Variants in DLC1 observed in about 807,000 individuals in gnomAD.
DLC1 encodes the protein DLC1 Rho GTPase activating protein, also known as rho GTPase-activating protein 7.
In DLC1, 54 loss-of-function variants were observed where a neutral mutation model predicts 140.3. That is an observed-to-expected ratio of 0.38 (90% CI 0.31 to 0.48). The LOEUF is 0.48. Among genes scored for constraint, DLC1 ranks in the 20% least tolerant of loss-of-function variants. DLC1 has a pLI of 0.96. For missense variants in DLC1, 2,536 were observed against 1,907.0 expected (o/e 1.33, Z -6.14); for synonymous variants, 986 against 728.1 (o/e 1.35, Z -5.70).
chr8:13,258,586 T>C (rs1830350152), intron 5 of DLC1, among the ~76,000 whole-genome samples: 1 of 152,204 alleles, frequency 6.6e-6, no homozygotes, highest in African/African-American at 2.4e-5. Flanking sequence ...TTTTAACCAG[T>C]TACCTATTAT....
At chr8:13,453,387 G>GATATATATATATATGTGTATATATATAT (rs1554522997) in intron 2 of DLC1, among the ~76,000 whole-genome samples, 1,153 of 52,058 alleles carry the variant, frequency 0.022, 30 homozygotes, top group Non-Finnish European at 0.028. Flanking sequence ...GATGGCCCAG[G>GATATATATATATATGTGTATATATATAT]ATATATATAT....
intron 4 of DLC1, among the ~76,000 whole-genome samples, chr8:13,321,556 A>G (rs1833121034): frequency 6.6e-6 from 1 of 150,750 alleles, no homozygotes; most frequent in Non-Finnish European, 1.5e-5. Flanking sequence ...AAAAAAAAAA[A>G]AAAAAAAAAA....
intron 2 of DLC1, among the ~76,000 whole-genome samples, chr8:13,483,371 A>C (rs1170439348): frequency 6.6e-6 from 1 of 152,160 alleles, no homozygotes; most frequent in Non-Finnish European, 1.5e-5. Context: ...GCCACAATTC[A>C]ATCACTACAG....
chr8:13,330,061 C>T (rs1002633576), intron 4 of DLC1, among the ~76,000 whole-genome samples: 1 of 152,098 alleles, frequency 6.6e-6, no homozygotes, highest in Non-Finnish European at 1.5e-5. Context: ...AACTCCTAGG[C>T]TTAAGTGACC....
At chr8:13,350,500 G>A (rs1429303951) in intron 4 of DLC1, among the ~76,000 whole-genome samples, 1 of 152,120 alleles carries the variant, frequency 6.6e-6, no homozygotes, top group African/African-American at 2.4e-5. Flanking sequence ...TGGATCGCTT[G>A]AGGTCAGGAG....
At chr8:13,432,863 C>G (rs1028101437) in intron 2 of DLC1, among the ~76,000 whole-genome samples, 1 of 151,026 alleles carries the variant, frequency 6.6e-6, no homozygotes, top group African/African-American at 2.4e-5. Flanking sequence ...AAGGGAAACA[C>G]TTTCAAGAGT....
intron 5 of DLC1, among the ~76,000 whole-genome samples, chr8:13,209,657 C>T (rs1827842379): frequency 1.3e-5 from 2 of 152,022 alleles, no homozygotes; most frequent in South Asian, 4.2e-4. Flanking sequence ...TAGCACCATC[C>T]TCTTGGTACT....
intron 5 of DLC1, among the ~76,000 whole-genome samples, chr8:13,162,780 T>C (rs6531029): frequency 0.27 from 40,693 of 151,828 alleles, 7,829 homozygotes; most frequent in African/African-American, 0.55. Flanking sequence ...TCTTTACGCC[T>C]CCCCAGCCCC....
chr8:13,304,906 A>G, intron 5 of DLC1: 1 of 996,852 alleles, frequency 1.0e-6, no homozygotes, highest in Non-Finnish European at 1.2e-6. Context: ...TTCTGTGGCT[A>G]CTAAGTCATT....
intron 1 of DLC1, among the ~76,000 whole-genome samples, chr8:13,588,443 C>G (rs1251149437): frequency 2.0e-5 from 3 of 152,026 alleles, no homozygotes; most frequent in Non-Finnish European, 4.4e-5. Context: ...AGAGCAGAGA[C>G]CCGATAAAAA....
chr8:13,444,409 T>G (rs1254038746), intron 2 of DLC1, among the ~76,000 whole-genome samples: 6 of 152,114 alleles, frequency 3.9e-5, no homozygotes, highest in Admixed American at 3.9e-4. Context: ...GTAACAAACC[T>G]GCACATTATG....
At chr8:13,131,931 G>A (rs1368519994) in intron 5 of DLC1, among the ~76,000 whole-genome samples, 1 of 152,162 alleles carries the variant, frequency 6.6e-6, no homozygotes, top group Non-Finnish European at 1.5e-5. Context: ...ACGCAGCAGG[G>A]TGCTGCAGAG....
At chr8:13,118,223 A>G (rs1362773907) in intron 5 of DLC1, among the ~76,000 whole-genome samples, 1 of 152,018 alleles carries the variant, frequency 6.6e-6, no homozygotes, top group Non-Finnish European at 1.5e-5. Flanking sequence ...ATGACTCCAA[A>G]TGATCATAAA....
chr8:13,267,272 G>A (rs532993870), intron 5 of DLC1, among the ~76,000 whole-genome samples: 46 of 151,788 alleles, frequency 3.0e-4, no homozygotes, highest in African/African-American at 1.1e-3. Context: ...TTTAAATATA[G>A]CATATTCTAA....
rs751273748 is a variant in DLC1 at position 13,500,059 on chromosome 8, T to C, written c.13A>G (p.Ile5Val). ...TGTTCTTCCCAGCTTCTCTTTCTGA[T>C]AGCTACAGACATGTCATCGTAGTTT... is the stretch of plus-strand genomic sequence containing the variant. MSVAIRKRSWEEHVT... is the reference protein window; with the variant it reads MSVAVRKRSWEEHVT... Residue 5 changes from isoleucine (I) to valine (V), a missense_variant, in exon 2 of 18, where the codon ATC becomes GTC. By Grantham distance (29) the Ile-to-Val change is conservative. Coordinates refer to ENST00000276297, the MANE Select transcript of DLC1 (RefSeq NM_182643.3). 2 of 1,613,630 alleles carry C rather than the reference T, an allele frequency of 1.2e-6. No homozygotes were observed. The highest frequency in any genetic ancestry group is 1.7e-6 in the Non-Finnish European group (2 of 1,179,672).
intron 5 of DLC1, among the ~76,000 whole-genome samples, chr8:13,288,298 G>T (rs1398193959): frequency 6.6e-6 from 1 of 152,174 alleles, no homozygotes; most frequent in Non-Finnish European, 1.5e-5. Flanking sequence ...GATCTCTGCA[G>T]ATGGGGCAAT....
In DLC1 at chr8:13,101,521, A is replaced by G. The variant is rs561024723; in HGVS notation, c.1567-751T>C. ...TTTTCAAACACTAAGAAGAGTGGCA[A>G]CTTAAATCTCTAGACACTAAAAATG... On this transcript the variant is annotated intron_variant, in intron 8 of 17. Coordinates refer to ENST00000276297, the MANE Select transcript of DLC1 (RefSeq NM_182643.3). 1.3e-4 allele frequency among the ~76,000 whole-genome samples: 20 copies of G among 152,322 alleles called. No individual in the cohort carries two copies. In the South Asian group the frequency reaches 3.9e-3, roughly 30 times the overall value.
At chr8:13,370,253 C>G (rs1447226974) in intron 4 of DLC1, among the ~76,000 whole-genome samples, 1 of 152,062 alleles carries the variant, frequency 6.6e-6, no homozygotes, top group East Asian at 1.9e-4. Flanking sequence ...CTTCAATATA[C>G]TATAAGCTCT....
chr8:13,276,127 T>A, intron 5 of DLC1: 1 of 1,283,460 alleles, frequency 7.8e-7, no homozygotes, highest in Non-Finnish European at 1.0e-6. Context: ...CCGAACACAC[T>A]GCCATGACAA....
Sources: gnomAD v4.1 joint callset for allele counts (sites outside exome capture counted in the v4.1 genomes callset) on GRCh38, gnomAD v4.1.1 for gene constraint, MANE v1.5 for transcripts, NCBI Gene and HGNC (gene_info 2026-07-23, HGNC 2026-07-21) for gene names.